The following NCOA7 variants were observed in gnomAD, a reference collection of about 807,000 sequenced individuals.
NCOA7 encodes the protein nuclear receptor coactivator 7.
NCOA7 carries 45 observed loss-of-function variants against 104.3 expected under a neutral mutation model. That is an observed-to-expected ratio of 0.43 (90% CI 0.34 to 0.55). NCOA7 has a LOEUF of 0.55. Ranked by LOEUF, NCOA7 falls within the 20% of genes least tolerant of loss-of-function variation. NCOA7 has a pLI of 0.02. For missense variants in NCOA7, 1,041 were observed against 1,119.7 expected, an observed-to-expected ratio of 0.93 and a Z score of 1.00; for synonymous variants, 398 against 402.3, an observed-to-expected ratio of 0.99 and a Z score of 0.13.
chr6:125,901,745 G>T (rs1785524437), intron 10 of NCOA7, among the ~76,000 whole-genome samples: 1 of 152,130 alleles, frequency 6.6e-6, no homozygotes, highest in Admixed American at 6.5e-5. Flanking sequence ...CTGCCCTCTT[G>T]GTACCCGGGT....
At chr6:125,895,002 T>C (rs1784893990) in intron 10 of NCOA7, among the ~76,000 whole-genome samples, 1 of 152,144 alleles carries the variant, frequency 6.6e-6, no homozygotes. Context: ...AGATATAATA[T>C]TCCGTGAATT....
intron 10 of NCOA7, chr6:125,913,564 A>G (rs1044649352): frequency 1.3e-5 from 9 of 702,226 alleles, no homozygotes; most frequent in African/African-American, 1.9e-5. Context: ...ATCAATATCT[A>G]TATTTACTTT....
intron 3 of NCOA7, among the ~76,000 whole-genome samples, chr6:125,862,570 T>C (rs1782148059): frequency 7.2e-6 from 1 of 138,526 alleles, no homozygotes; most frequent in Admixed American, 6.8e-5. Context: ...GTGAATGGCA[T>C]TTTTGCCACT....
intron 10 of NCOA7, among the ~76,000 whole-genome samples, chr6:125,904,543 C>T (rs929740004): frequency 6.6e-6 from 1 of 152,196 alleles, no homozygotes; most frequent in East Asian, 1.9e-4. Context: ...GCTGTTTCTC[C>T]TTCCTACTGT....
chr6:125,851,980 A>C (rs932348432), intron 2 of NCOA7, among the ~76,000 whole-genome samples: 2 of 151,970 alleles, frequency 1.3e-5, no homozygotes, highest in African/African-American at 4.8e-5. Flanking sequence ...AATACCTTAT[A>C]GATTCTAGAT....
chr6:125,783,075 T>A (rs1384062042), intron 1 of NCOA7, among the ~76,000 whole-genome samples: 1 of 152,146 alleles, frequency 6.6e-6, no homozygotes, highest in Non-Finnish European at 1.5e-5. Context: ...GTTCCTCTTC[T>A]CCCATAGGCT....
chr6:125,880,563 T>G (rs1168361826), intron 5 of NCOA7, among the ~76,000 whole-genome samples: 1 of 152,078 alleles, frequency 6.6e-6, no homozygotes, highest in African/African-American at 2.4e-5. Context: ...AGTCTCCCTC[T>G]GTCACCCAGG....
At chr6:125,874,839 T>G (rs1412449088) in intron 3 of NCOA7, 50 bp from the exon 4 acceptor site, 1 of 1,459,546 alleles carries the variant, frequency 6.9e-7, no homozygotes, top group Non-Finnish European at 9.6e-7. Flanking sequence ...TTACCCTGGC[T>G]TCAGTCCCTG....
In NCOA7 at chr6:125,890,676, C is replaced by T; in HGVS notation, c.1962C>T (p.Thr654=). 6.2e-7 allele frequency: 1 copy of T among 1,613,080 alleles called. No individual in the cohort carries two copies. The highest frequency in any genetic ancestry group is 8.5e-7 in the Non-Finnish European group (1 of 1,179,584). Residue 654 remains threonine, a synonymous_variant, in exon 10 of 16, where the codon ACC becomes ACT. Coordinates refer to ENST00000392477, the MANE Select transcript of NCOA7 (RefSeq NM_181782.5). ...CTTCAAAAGAAGAAAAAAGCAAGAC[C>T]CCACCCATGTTCCTGTGCATCAAAG... ...ILPSKEEKSK[T]PPMFLCIKVG...
intron 2 of NCOA7, among the ~76,000 whole-genome samples, chr6:125,828,925 C>A (rs910673380): frequency 2.0e-5 from 3 of 152,104 alleles, no homozygotes; most frequent in Admixed American, 6.5e-5. Context: ...AGTTCCATAG[C>A]TAGCAAATAA....
chr6:125,908,581 A>G (rs1029526734), intron 10 of NCOA7, among the ~76,000 whole-genome samples: 4 of 152,170 alleles, frequency 2.6e-5, no homozygotes, highest in African/African-American at 9.7e-5. Flanking sequence ...TAGGCGTTTG[A>G]TTCCTCCTCA....
intron 2 of NCOA7, among the ~76,000 whole-genome samples, chr6:125,852,834 G>A (rs1280258020): frequency 6.6e-6 from 1 of 152,148 alleles, no homozygotes; most frequent in African/African-American, 2.4e-5. Flanking sequence ...ATAATTTGAA[G>A]TTGGGTAATG....
intron 2 of NCOA7, among the ~76,000 whole-genome samples, chr6:125,821,854 C>G (rs1179996721): frequency 6.6e-6 from 1 of 151,812 alleles, no homozygotes; most frequent in African/African-American, 2.4e-5. Context: ...GTACAAAAAG[C>G]CTTCCTTTGT....
intron 3 of NCOA7, among the ~76,000 whole-genome samples, chr6:125,869,741 G>C (rs1030132674): frequency 6.6e-6 from 1 of 152,178 alleles, no homozygotes; most frequent in Non-Finnish European, 1.5e-5. Context: ...TAGATATGCT[G>C]GTTCGGAGAA....
chr6:125,882,715 T>C, intron 7 of NCOA7, 164 bp downstream of exon 7: 1 of 706,286 alleles, frequency 1.4e-6, no homozygotes, highest in Non-Finnish European at 2.3e-6. Context: ...CCTGGAATTT[T>C]ACTTACTGAG....
At chr6:125,844,427 A>T (rs902899024) in intron 2 of NCOA7, among the ~76,000 whole-genome samples, 7 of 152,238 alleles carry the variant, frequency 4.6e-5, no homozygotes, top group African/African-American at 1.7e-4. Context: ...AGAATCAGGA[A>T]CATCCACAGG....
chr6:125,895,320 A>G (rs1196445580), intron 10 of NCOA7, among the ~76,000 whole-genome samples: 1 of 152,238 alleles, frequency 6.6e-6, no homozygotes, highest in Non-Finnish European at 1.5e-5. Flanking sequence ...TTGTATAATA[A>G]GTAAACTAAT....
intron 2 of NCOA7, among the ~76,000 whole-genome samples, chr6:125,828,442 G>A (rs1041252922): frequency 1.1e-4 from 17 of 152,166 alleles, no homozygotes; most frequent in African/African-American, 3.9e-4. Context: ...GTAAGGGAGT[G>A]GAGACCAAGC....
intron 10 of NCOA7, among the ~76,000 whole-genome samples, chr6:125,891,414 A>G (rs943476752): frequency 6.6e-6 from 1 of 152,224 alleles, no homozygotes; most frequent in Non-Finnish European, 1.5e-5. Flanking sequence ...TATATCACTG[A>G]GGATGTCTTT....
Sources: allele counts gnomAD v4.1 joint callset (sites outside exome capture counted in the v4.1 genomes callset), GRCh38; gene constraint gnomAD v4.1.1; transcripts MANE v1.5; gene names NCBI Gene and HGNC (gene_info 2026-07-23, HGNC 2026-07-21).